The following GLRA2 variants were observed in gnomAD, a reference collection of about 807,000 sequenced individuals.
GLRA2 encodes glycine receptor alpha 2.
In GLRA2, 11 loss-of-function variants were observed where a neutral mutation model predicts 31.6. The observed-to-expected ratio is 0.35, with a 90% CI of 0.22 to 0.58. The LOEUF (loss-of-function observed/expected upper bound fraction) is 0.58, where lower values mean the gene tolerates loss of function less well. Ranked by LOEUF, GLRA2 falls within the 20% of genes least tolerant of loss-of-function variation. The probability of loss-of-function intolerance (pLI) is 0.84; values close to 1 mark genes in which losing one functional copy is unlikely to be tolerated. For synonymous variants in GLRA2, 132 were observed against 134.0 expected (o/e 0.99, Z 0.10); for missense variants, 212 against 351.8 (o/e 0.60, Z 3.18).
intron 7 of GLRA2, among the ~76,000 whole-genome samples, chrX:14,613,146 T>C (rs992255028): frequency 1.8e-5 from 2 of 111,646 alleles, no homozygotes; most frequent in Admixed American, 9.5e-5. Flanking sequence ...AGTACTTATA[T>C]AAATTGTTTA....
intron 2 of GLRA2, among the ~76,000 whole-genome samples, chrX:14,549,859 G>C (rs1003674544): frequency 1.8e-5 from 2 of 111,588 alleles, no homozygotes; most frequent in Non-Finnish European, 3.8e-5. Context: ...GGATTTCCAT[G>C]AGCATGAACA....
chrX:14,577,578 G>A, intron 3 of GLRA2, among the ~76,000 whole-genome samples: 1 of 111,935 alleles, frequency 8.9e-6, no homozygotes, highest in South Asian at 3.7e-4. Context: ...GCATGGTCAG[G>A]TTCTGATGAG....
intron 7 of GLRA2, among the ~76,000 whole-genome samples, chrX:14,662,914 T>G (rs1314637765): frequency 8.9e-6 from 1 of 112,136 alleles, no homozygotes; most frequent in Non-Finnish European, 1.9e-5. Flanking sequence ...TTATTTTTCA[T>G]TATATTTTGT....
At chrX:14,589,706 A>ATATACACATATATATATATG (rs200658803) in intron 4 of GLRA2, among the ~76,000 whole-genome samples, 1 of 100,762 alleles carries the variant, frequency 9.9e-6, no homozygotes, top group Non-Finnish European at 2.0e-5. Flanking sequence ...TAGTGTATAT[A>ATATACACATATATATATATG]TATACACACA....
In GLRA2 at chrX:14,555,514, C is replaced by T. The variant is rs752526641; in HGVS notation, c.203-18819C>T. ...AGGATGATGTTAGGATGGAGGGCAA[C>T]GGTTAAGACTTTCCTGATCCCCACC... On this transcript the variant is annotated intron_variant, in intron 2 of 8. Coordinates refer to ENST00000218075, the MANE Select transcript of GLRA2 (RefSeq NM_002063.4). Among the ~76,000 whole-genome samples the T allele has an allele frequency of 1.6e-4, 18 of 111,476 alleles. No individual in the cohort carries two copies. The South Asian group carries it at 2.7e-3, about 17-fold the overall frequency.
At chrX:14,588,597 G>A (rs982707725) in intron 4 of GLRA2, among the ~76,000 whole-genome samples, 1 of 110,262 alleles carries the variant, frequency 9.1e-6, no homozygotes, top group African/African-American at 3.3e-5. Context: ...TTTTAGAATA[G>A]TTTTTTTTTC....
At chrX:14,457,272 T>C in the GLRA2 span, among the ~76,000 whole-genome samples, 26 of 111,925 alleles carry the variant, frequency 2.3e-4, no homozygotes, top group Admixed American at 5.7e-4. Flanking sequence ...TACACAGGCA[T>C]ACATGTGCCA....
At chrX:14,590,778 G>A (rs960705503) in intron 4 of GLRA2, among the ~76,000 whole-genome samples, 5 of 112,287 alleles carry the variant, frequency 4.5e-5, no homozygotes, top group African/African-American at 1.6e-4. Context: ...ATCCTCATTA[G>A]TATTGTGACT....
intron 7 of GLRA2, among the ~76,000 whole-genome samples, chrX:14,611,746 T>G (rs1023624075): frequency 1.8e-5 from 2 of 112,046 alleles, no homozygotes; most frequent in African/African-American, 6.5e-5. Flanking sequence ...TTCATTCTGT[T>G]AACTTCAACA....
chrX:14,574,497 C>T, intron 3 of GLRA2, 97 bp downstream of exon 3: 1 of 1,200,661 alleles, frequency 8.3e-7, no homozygotes, highest in Non-Finnish European at 1.1e-6. Context: ...TGCAGGGCCT[C>T]CTGTAAATGT....
chrX:14,505,965 C>G, the GLRA2 span, among the ~76,000 whole-genome samples: 1 of 111,120 alleles, frequency 9.0e-6, no homozygotes, highest in Admixed American at 9.6e-5. Flanking sequence ...CCCATGATGC[C>G]TTGGCCATCT....
At chrX:14,643,682 G>A (rs1480378907) in intron 7 of GLRA2, among the ~76,000 whole-genome samples, 1 of 111,564 alleles carries the variant, frequency 9.0e-6, no homozygotes, top group Non-Finnish European at 1.9e-5. Context: ...TGCTTTTTGA[G>A]CTCTCCTTTT....
At chrX:14,617,109 G>A (rs1349653202) in intron 7 of GLRA2, among the ~76,000 whole-genome samples, 1 of 111,802 alleles carries the variant, frequency 8.9e-6, no homozygotes, top group Non-Finnish European at 1.9e-5. Flanking sequence ...TCCAAGCTAG[G>A]CTTTTGCTCA....
chrX:14,562,416 T>C (rs2089744947), intron 2 of GLRA2, among the ~76,000 whole-genome samples: 1 of 112,267 alleles, frequency 8.9e-6, no homozygotes, highest in Admixed American at 9.4e-5. Context: ...CCCTGGTCCC[T>C]TGATCTGGAA....
intron 7 of GLRA2, among the ~76,000 whole-genome samples, chrX:14,623,374 T>A (rs1257216824): frequency 1.8e-5 from 2 of 111,409 alleles, no homozygotes; most frequent in Non-Finnish European, 3.8e-5. Flanking sequence ...TAGCCAGAAC[T>A]TCCAACACTA....
the GLRA2 span, among the ~76,000 whole-genome samples, chrX:14,507,878 G>T: frequency 9.3e-6 from 1 of 107,889 alleles, no homozygotes; most frequent in Non-Finnish European, 1.9e-5. Context: ...ATTTTTAGAA[G>T]AAAGGGGGTT....
At chrX:14,697,091 G>GAA (rs572262137) in intron 8 of GLRA2, among the ~76,000 whole-genome samples, 23,622 of 103,659 alleles carry the variant, frequency 0.23, 2,313 homozygotes, top group Non-Finnish European at 0.31. Context: ...ACCATGGTTA[G>GAA]AAAAAAAAAA....
intron 8 of GLRA2, among the ~76,000 whole-genome samples, chrX:14,700,603 GACATTGGTAACCTCAACA>G (rs2091525971): frequency 8.9e-6 from 1 of 111,826 alleles, no homozygotes; most frequent in Non-Finnish European, 1.9e-5. Flanking sequence ...GAAGTCAGAG[GACATTGGTAACCTCAACA>G]ACAGCAGGCT....
At chrX:14,555,755 G>A (rs1426630543) in intron 2 of GLRA2, among the ~76,000 whole-genome samples, 2 of 112,068 alleles carry the variant, frequency 1.8e-5, no homozygotes, top group Non-Finnish European at 3.8e-5. Context: ...AATGAAGGCC[G>A]ATTAACTGGG....
Sources: gnomAD v4.1 joint callset for allele counts (sites outside exome capture counted in the v4.1 genomes callset) on GRCh38, gnomAD v4.1.1 for gene constraint, MANE v1.5 for transcripts, NCBI Gene and HGNC (gene_info 2026-07-23, HGNC 2026-07-21) for gene names.